OLFM2: variants seen among roughly 807,000 people sequenced by gnomAD.
OLFM2 encodes noelin-2.
In OLFM2, 20 loss-of-function variants were observed where a neutral mutation model predicts 43.9. That is an observed-to-expected ratio of 0.46 (90% CI 0.32 to 0.66). The LOEUF is 0.66. Among genes scored for constraint, OLFM2 ranks in the 30% least tolerant of loss-of-function variants. The pLI, the probability that OLFM2 is intolerant of heterozygous loss-of-function variation, is 0.04. For missense variants in OLFM2, 416 were observed against 643.6 expected, an observed-to-expected ratio of 0.65 and a Z score of 3.83; for synonymous variants, 268 against 278.6, an observed-to-expected ratio of 0.96 and a Z score of 0.38.
At chr19:9,932,348 G>A (rs1020959245) in intron 1 of OLFM2, among the ~76,000 whole-genome samples, 4 of 151,696 alleles carry the variant, frequency 2.6e-5, no homozygotes, top group East Asian at 1.9e-4. Flanking sequence ...CCAGCTACTC[G>A]GGAGGCTGAG....
chr19:9,882,544 A>AAG (rs2046548269), intron 1 of OLFM2, among the ~76,000 whole-genome samples: 2 of 150,974 alleles, frequency 1.3e-5, no homozygotes, highest in South Asian at 4.2e-4. Context: ...TCTCAAAAAA[A>AAG]AGAATTAAAT....
chr19:9,916,572 A>AGGACT (rs1477981625), intron 1 of OLFM2, among the ~76,000 whole-genome samples: 1 of 152,166 alleles, frequency 6.6e-6, no homozygotes, highest in Non-Finnish European at 1.5e-5. Context: ...TTTTGAAACC[A>AGGACT]GGACTGTCTG....
chr19:9,900,056 T>C (rs1419995139), intron 1 of OLFM2, among the ~76,000 whole-genome samples: 2 of 152,148 alleles, frequency 1.3e-5, no homozygotes, highest in East Asian at 3.9e-4. Context: ...GAGCGAATCA[T>C]GGCTTTCTAG....
At chr19:9,925,233 G>C (rs1340413913) in intron 1 of OLFM2, among the ~76,000 whole-genome samples, 1 of 152,028 alleles carries the variant, frequency 6.6e-6, no homozygotes, top group African/African-American at 2.4e-5. Flanking sequence ...CTCTAGCCTG[G>C]GGGACAGAGT....
At chr19:9,880,854 C>T (rs547744894) in intron 1 of OLFM2, among the ~76,000 whole-genome samples, 2 of 152,078 alleles carry the variant, frequency 1.3e-5, no homozygotes, top group Non-Finnish European at 2.9e-5. Flanking sequence ...GCAGCTTTGG[C>T]GCTCTCTCTG....
intron 1 of OLFM2, among the ~76,000 whole-genome samples, chr19:9,897,762 C>T (rs2046699235): frequency 6.6e-6 from 1 of 152,122 alleles, no homozygotes. Context: ...GGCTCCTCCA[C>T]AGAGTCACAA....
chr19:9,928,454 G>A (rs1253669597), intron 1 of OLFM2, among the ~76,000 whole-genome samples: 1 of 152,114 alleles, frequency 6.6e-6, no homozygotes, highest in Non-Finnish European at 1.5e-5. Context: ...GGAACTATGT[G>A]TAAAGTAAGA....
At chr19:9,873,559 G>A (rs1177192300) in intron 1 of OLFM2, among the ~76,000 whole-genome samples, 1 of 152,134 alleles carries the variant, frequency 6.6e-6, no homozygotes, top group African/African-American at 2.4e-5. Flanking sequence ...GGCTCAAGCA[G>A]TTCTCTTGCT....
At chr19:9,888,516 T>C (rs2046608775) in intron 1 of OLFM2, among the ~76,000 whole-genome samples, 1 of 55,752 alleles carries the variant, frequency 1.8e-5, no homozygotes, top group Non-Finnish European at 3.9e-5. Context: ...AGTGAGACCT[T>C]ACCTCAAAAA....
chr19:9,905,085 G>A (rs1356864930), intron 1 of OLFM2, among the ~76,000 whole-genome samples: 2 of 152,088 alleles, frequency 1.3e-5, no homozygotes, highest in Non-Finnish European at 2.9e-5. Context: ...ACTTTGGGAG[G>A]CCAAGGCGGG....
intron 1 of OLFM2, among the ~76,000 whole-genome samples, chr19:9,897,904 T>C (rs2046700392): frequency 6.6e-6 from 1 of 151,902 alleles, no homozygotes; most frequent in African/African-American, 2.4e-5. Flanking sequence ...CCTTGTCTTT[T>C]ATTTTATTTT....
rs566407221 is a variant in OLFM2, at chr19:9,934,865, C to A, written c.63+1439G>T. 6.6e-5 allele frequency among the ~76,000 whole-genome samples: 10 copies of A among 152,314 alleles called. No individual in the cohort carries two copies. In the South Asian group the frequency reaches 1.7e-3, roughly 25 times the overall value. ...CTAACCTCCATTCCTCCCAACACCC[C>A]CCTCGGGGTGAGCACAAGGGTCTGA... is the stretch of plus-strand genomic sequence containing the variant. On this transcript the variant is annotated intron_variant, in intron 1 of 5. Transcript: ENST00000264833.
intron 1 of OLFM2, among the ~76,000 whole-genome samples, chr19:9,905,102 G>A (rs1196951282): frequency 6.6e-6 from 1 of 151,820 alleles, no homozygotes; most frequent in Non-Finnish European, 1.5e-5. Context: ...CGGGTGGACT[G>A]CCTGAGCTCA....
At chr19:9,879,605 C>T (rs1599477028) in intron 1 of OLFM2, among the ~76,000 whole-genome samples, 1 of 151,674 alleles carries the variant, frequency 6.6e-6, no homozygotes, top group South Asian at 2.1e-4. Flanking sequence ...CCAATTAAAC[C>T]TCTTTTATTT....
intron 1 of OLFM2, among the ~76,000 whole-genome samples, chr19:9,904,204 G>GTT (rs2046765845): frequency 7.4e-6 from 1 of 135,942 alleles, no homozygotes; most frequent in Admixed American, 7.4e-5. Context: ...GTGTGTGTGT[G>GTT]TTTTGAGATG....
chr19:9,917,221 T>C (rs2086389887), intron 1 of OLFM2, among the ~76,000 whole-genome samples: 1 of 152,154 alleles, frequency 6.6e-6, no homozygotes, highest in African/African-American at 2.4e-5. Flanking sequence ...TCACCCAGGC[T>C]GGAGTGCAGT....
At chr19:9,860,034 C>T (rs928359601) in intron 2 of OLFM2, among the ~76,000 whole-genome samples, 10 of 152,022 alleles carry the variant, frequency 6.6e-5, no homozygotes, top group East Asian at 3.9e-4. Context: ...CCCAGCTACT[C>T]GGGAGGCTGA....
Position 9,854,693 on chromosome 19 carries a change from G to A in OLFM2, c.858C>T (p.Asn286=), listed in dbSNP as rs749713879. The stretch of plus-strand genomic sequence containing the variant: ...AGCGGAAGTGGTATTTGACCACCAC[G>A]TTGCTCTGGTACTTGTTATAGAACA... ...GSLFYNKYQS[N]VVVKYHFRSR... Residue 286 remains asparagine (N), a synonymous_variant, in exon 6 of 6, where the codon AAC becomes AAT. Coordinates refer to ENST00000264833, the MANE Select transcript of OLFM2 (RefSeq NM_058164.4). This position sits in a 1 kb window ranked among gnomAD's most constrained non-coding sequence, Gnocchi z 9.5. The A allele has an allele frequency of 9.3e-6, 15 of 1,614,106 alleles. No individual in the cohort carries two copies. Among genetic ancestry groups the A allele is most frequent in the South Asian group, 3.3e-5 (3 of 91,096 alleles).
At chr19:9,931,722 A>G (rs78356581) in intron 1 of OLFM2, among the ~76,000 whole-genome samples, 3 of 151,574 alleles carry the variant, frequency 2.0e-5, no homozygotes, top group Admixed American at 6.6e-5. Flanking sequence ...AATAAAAAAA[A>G]AAAAAGAAAT....
Sources: allele counts gnomAD v4.1 joint callset (sites outside exome capture counted in the v4.1 genomes callset), GRCh38; gene constraint gnomAD v4.1.1; non-coding constraint Gnocchi (gnomAD v3.1); transcripts MANE v1.5; gene names NCBI Gene and HGNC (gene_info 2026-07-23, HGNC 2026-07-21).